The following KDM2B variants were observed in gnomAD, a reference collection of about 807,000 sequenced individuals.
The protein encoded by KDM2B is lysine-specific demethylase 2B.
A neutral mutation model predicts 150.0 loss-of-function variants in KDM2B; 26 were observed. The ratio of observed to expected loss-of-function variants is 0.17; its 90% CI spans 0.13 to 0.24. The LOEUF (loss-of-function observed/expected upper bound fraction) is 0.24, where lower values mean the gene tolerates loss of function less well. KDM2B is among the 10% of genes least tolerant of loss of function. KDM2B has a pLI of 1.00. For missense variants in KDM2B, 1,265 were observed against 1,816.9 expected (o/e 0.70, Z 5.52); for synonymous variants, 734 against 729.5 (o/e 1.01, Z -0.10).
chr12:121,456,809 T>C (rs1176224906), intron 12 of KDM2B, among the ~76,000 whole-genome samples: 1 of 152,164 alleles, frequency 6.6e-6, no homozygotes, highest in East Asian at 1.9e-4. Context: ...TCAACAGCAG[T>C]TGAGACATCT....
intron 4 of KDM2B, among the ~76,000 whole-genome samples, chr12:121,570,588 G>C (rs1161143384): frequency 6.6e-6 from 1 of 152,172 alleles, no homozygotes; most frequent in Non-Finnish European, 1.5e-5. Context: ...AGACACACCA[G>C]AGTTGGCTTC....
At chr12:121,488,811 T>G (rs944408775) in intron 12 of KDM2B, among the ~76,000 whole-genome samples, 2 of 151,270 alleles carry the variant, frequency 1.3e-5, no homozygotes, top group African/African-American at 4.9e-5. Context: ...TTTTGTTTGT[T>G]TGTTTGTTTT....
the KDM2B span, chr12:121,417,638 G>A: frequency 6.2e-7 from 1 of 1,614,218 alleles, no homozygotes; most frequent in South Asian, 1.1e-5. This position sits in a 1 kb window ranked among gnomAD's most constrained non-coding sequence, Gnocchi z 5.0. Flanking sequence ...GACTGAAGGT[G>A]AAGGACCTGC....
At chr12:121,540,979 T>A (rs1259187252) in intron 6 of KDM2B, among the ~76,000 whole-genome samples, 1 of 151,914 alleles carries the variant, frequency 6.6e-6, no homozygotes, top group Non-Finnish European at 1.5e-5. Flanking sequence ...GAGTTTGTAA[T>A]CCCAACACTT....
At chr12:121,463,234 T>C (rs782753550) in intron 12 of KDM2B, among the ~76,000 whole-genome samples, 58 of 151,890 alleles carry the variant, frequency 3.8e-4, no homozygotes, top group South Asian at 8.3e-4. Context: ...AAAAATCGCT[T>C]GAACCCAGGA....
chr12:121,573,673 C>T (rs547263265), intron 4 of KDM2B, among the ~76,000 whole-genome samples: 6,511 of 151,800 alleles, frequency 0.043, 278 homozygotes, highest in East Asian at 0.23. Context: ...CAAGCTCCGC[C>T]GCCTCCCAGG....
In KDM2B at chr12:121,442,833, G is replaced by T; in HGVS notation, c.2608C>A (p.Arg870=). 1.3e-6 allele frequency: 2 copies of T among 1,518,060 alleles called. No individual in the cohort carries two copies. The highest frequency in any genetic ancestry group is 1.8e-6 in the Non-Finnish European group (2 of 1,138,154). The allele number at this position is 1,518,060 out of a possible 1,614,324, so 94.0% of individuals were successfully genotyped here. A position where few individuals can be genotyped will look rare whatever the true frequency, so the allele number is the denominator to read the frequency against. Residue 870 remains arginine, a synonymous_variant, in exon 19 of 23, where the codon CGG becomes AGG. Transcript: ENST00000377071. This position sits in a 1 kb window ranked among gnomAD's most constrained non-coding sequence, Gnocchi z 7.7. ...CGGTCCTCGGCGTTCTTCCAGGACCGCCGCTGAGGGCGAGAGCGGAGACGC... is the reference window on the plus strand; with the variant it reads ...CGGTCCTCGGCGTTCTTCCAGGACCTCCGCTGAGGGCGAGAGCGGAGACGC... ...KEDKLFRKKR[R]SWKNAEDRMA...
chr12:121,444,857 T>C (rs3817548), intron 14 of KDM2B: 173,373 of 468,072 alleles, frequency 0.37, 33,555 homozygotes, highest in East Asian at 0.43. Flanking sequence ...GGTAAAGCCA[T>C]GAGCTCAGCG....
rs1475738083 is a variant in KDM2B, at chr12:121,467,596, C to A, written c.1735-14252G>T. The A allele has an allele frequency of 6.7e-6, 1 of 148,770 alleles. No individual in the cohort carries two copies. Among genetic ancestry groups the A allele is most frequent in the Non-Finnish European group, 1.5e-5 (1 of 66,998 alleles). 9.2% of individuals were successfully genotyped at this position (148,770 alleles called of 1,614,324 possible). On this transcript the variant is annotated intron_variant, in intron 12 of 22. Coordinates refer to ENST00000377071, the MANE Select transcript of KDM2B (RefSeq NM_032590.5). This position sits in a 1 kb window ranked among gnomAD's most constrained non-coding sequence, Gnocchi z 5.1. ...CGCGGGGACTGGGGCTGCGTGGGGG[C>A]GTGCCCCGCGCCCCGCCCGGCCCGG...
rs578158905 is a variant in KDM2B, at chr12:121,478,774, G to A, written c.1734+15805C>T. 1.3e-4 allele frequency among the ~76,000 whole-genome samples: 19 copies of A among 151,752 alleles called. No homozygotes were observed. The South Asian group carries it at 2.5e-3, about 20-fold the overall frequency. ...ACGATCTCGGCTCACTGCAATCTCC[G>A]TTGCCCAGGCTCAAGCAATCCTCCC... On this transcript the variant is annotated intron_variant, in intron 12 of 22. Transcript: ENST00000377071.
chr12:121,426,452 C>CCCT (rs1555284248), downstream of KDM2B, among the ~76,000 whole-genome samples: 5 of 125,744 alleles, frequency 4.0e-5, no homozygotes, highest in African/African-American at 1.7e-4. Context: ...CCTCCCCCCC[C>CCCT]TTTTTTTTTT....
chr12:121,462,387 C>G (rs530964640), intron 12 of KDM2B, among the ~76,000 whole-genome samples: 2 of 152,284 alleles, frequency 1.3e-5, no homozygotes, highest in East Asian at 3.9e-4. Context: ...TCTGAAGAAT[C>G]TGAGGAAAGC....
chr12:121,556,216 C>T (rs1298810343), intron 4 of KDM2B, among the ~76,000 whole-genome samples: 1 of 151,998 alleles, frequency 6.6e-6, no homozygotes, highest in Admixed American at 6.6e-5. Context: ...TGAGCCACTG[C>T]ACTCGGCCTG....
chr12:121,569,303 A>T (rs953080586), intron 4 of KDM2B, among the ~76,000 whole-genome samples: 1 of 152,226 alleles, frequency 6.6e-6, no homozygotes, highest in Non-Finnish European at 1.5e-5. Flanking sequence ...AGAGGCATCT[A>T]AGGGAATGAC....
intron 13 of KDM2B, among the ~76,000 whole-genome samples, chr12:121,446,053 C>A (rs1175468182): frequency 6.6e-6 from 1 of 152,180 alleles, no homozygotes; most frequent in Non-Finnish European, 1.5e-5. Context: ...CAAGGCAAGG[C>A]CCCCAGCTCA....
chr12:121,578,388 G>C (rs1439876961), intron 2 of KDM2B, among the ~76,000 whole-genome samples: 1 of 152,200 alleles, frequency 6.6e-6, no homozygotes, highest in Non-Finnish European at 1.5e-5. Flanking sequence ...GGCCTGGGGG[G>C]CCTTACCCCG....
chr12:121,465,114 T>C (rs1225393979), intron 12 of KDM2B, among the ~76,000 whole-genome samples: 4 of 152,152 alleles, frequency 2.6e-5, no homozygotes, highest in African/African-American at 9.7e-5. Context: ...AAGTTAACAA[T>C]ACAACCTCAA....
chr12:121,457,735 A>AACATACAC (rs1555293067), intron 12 of KDM2B, among the ~76,000 whole-genome samples: 3 of 113,028 alleles, frequency 2.7e-5, no homozygotes, highest in Non-Finnish European at 5.5e-5. Flanking sequence ...GAAGATCGGA[A>AACATACAC]ACATACACAC....
intron 12 of KDM2B, among the ~76,000 whole-genome samples, chr12:121,460,506 C>A (rs1409256179): frequency 1.3e-5 from 2 of 152,216 alleles, no homozygotes; most frequent in Non-Finnish European, 2.9e-5. Flanking sequence ...CTCAGGTGAT[C>A]CTCCCACGTC....
Sources: allele counts gnomAD v4.1 joint callset (sites outside exome capture counted in the v4.1 genomes callset), GRCh38; gene constraint gnomAD v4.1.1; non-coding constraint Gnocchi (gnomAD v3.1); transcripts MANE v1.5; gene names NCBI Gene and HGNC (gene_info 2026-07-23, HGNC 2026-07-21).